METTL15: variants seen among roughly 807,000 people sequenced by gnomAD.
METTL15 encodes the protein methyltransferase 15, mitochondrial 12S rRNA N4-cytidine.
METTL15 carries 34 observed loss-of-function variants against 38.3 expected under a neutral mutation model. That is an observed-to-expected ratio of 0.89 (90% confidence interval 0.68 to 1.18). The LOEUF is 1.18. Among genes scored for constraint, METTL15 ranks in the 50% most tolerant of loss-of-function variants. The pLI is 0.00. For synonymous variants in METTL15, 162 were observed against 170.9 expected, an observed-to-expected ratio of 0.95 and a Z score of 0.41; for missense variants, 438 against 498.4, an observed-to-expected ratio of 0.88 and a Z score of 1.15.
intron 5 of METTL15, among the ~76,000 whole-genome samples, chr11:28,382,466 T>C (rs1850398919): frequency 6.6e-6 from 1 of 152,160 alleles, no homozygotes; most frequent in Admixed American, 6.5e-5. Context: ...TTTTTCCATG[T>C]AGAAACTGTG....
At chr11:28,265,503 G>A (rs1240574906) in intron 4 of METTL15, among the ~76,000 whole-genome samples, 4 of 150,970 alleles carry the variant, frequency 2.6e-5, no homozygotes, top group East Asian at 2.0e-4. Context: ...GTGCATGAAA[G>A]CCCCAAATAC....
intron 3 of METTL15, among the ~76,000 whole-genome samples, chr11:28,174,824 A>T (rs568463972): frequency 3.4e-5 from 5 of 145,558 alleles, no homozygotes; most frequent in East Asian, 2.0e-4. Flanking sequence ...CAAAAAAAAA[A>T]AAAAAACATA....
intron 6 of METTL15, among the ~76,000 whole-genome samples, chr11:28,315,280 GA>G (rs1857440144): frequency 6.6e-6 from 1 of 152,186 alleles, no homozygotes; most frequent in Non-Finnish European, 1.5e-5. Flanking sequence ...GTCTCAGTTG[GA>G]AATGAGGAAC....
At chr11:28,478,702 C>T (rs1851368210) in intron 6 of METTL15, among the ~76,000 whole-genome samples, 1 of 152,072 alleles carries the variant, frequency 6.6e-6, no homozygotes, top group South Asian at 2.1e-4. Context: ...TCCCCTTTCT[C>T]CAGAAACAAA....
chr11:28,407,296 G>C (rs1850682461), intron 5 of METTL15, among the ~76,000 whole-genome samples: 1 of 152,094 alleles, frequency 6.6e-6, no homozygotes, highest in Non-Finnish European at 1.5e-5. Flanking sequence ...TGCAACAAAA[G>C]CAAAAACTGA....
intron 6 of METTL15, among the ~76,000 whole-genome samples, chr11:28,471,260 T>C (rs547540540): frequency 3.3e-5 from 5 of 152,244 alleles, no homozygotes; most frequent in South Asian, 2.1e-4. Context: ...TCCTAAGACA[T>C]ACAGCATTCC....
intron 6 of METTL15, among the ~76,000 whole-genome samples, chr11:28,495,556 C>T (rs984387685): frequency 6.6e-6 from 1 of 152,110 alleles, no homozygotes; most frequent in Non-Finnish European, 1.5e-5. Flanking sequence ...TGTACTTCCT[C>T]TTGCCAAGTC....
chr11:28,497,556 A>C (rs1454166669), intron 6 of METTL15, among the ~76,000 whole-genome samples: 1 of 152,230 alleles, frequency 6.6e-6, no homozygotes, highest in African/African-American at 2.4e-5. Flanking sequence ...GCTATAACAG[A>C]ATACCACAGA....
chr11:28,203,187 T>G (rs1449457463), intron 3 of METTL15, among the ~76,000 whole-genome samples: 1 of 152,088 alleles, frequency 6.6e-6, no homozygotes, highest in East Asian at 1.9e-4. Context: ...GGGTCCTGAT[T>G]GCTCTAACCA....
At chr11:28,220,854 G>A (rs1853175709) in intron 4 of METTL15, among the ~76,000 whole-genome samples, 2 of 152,300 alleles carry the variant, frequency 1.3e-5, no homozygotes, top group African/African-American at 4.8e-5. Flanking sequence ...ATTCTGGATT[G>A]AAAATTGTTT....
At chr11:28,140,461 A>G (rs1849660432) in intron 3 of METTL15, among the ~76,000 whole-genome samples, 1 of 152,162 alleles carries the variant, frequency 6.6e-6, no homozygotes, top group Non-Finnish European at 1.5e-5. Flanking sequence ...TTGGTGCTGC[A>G]TCTGCCTTCA....
rs138088769 is a variant in METTL15, at chr11:28,516,238, G to A, written c.*425-10240G>A. On this transcript the variant is annotated intron_variant and NMD_transcript_variant, in intron 6 of 7. Coordinates refer to the METTL15 transcript ENST00000532947. ...GGAATCTGGTTCTTGGTACAGTGCT[G>A]CCCTAGATATTAGCTATTGGCTATT... Among the ~76,000 whole-genome samples, 101 of 152,322 alleles carry A rather than the reference G, an allele frequency of 6.6e-4. 1 individual carries two copies. In the East Asian group the frequency reaches 0.018, roughly 28 times the overall value.
At chr11:28,366,684 T>C (rs1850189418) in intron 5 of METTL15, among the ~76,000 whole-genome samples, 1 of 152,160 alleles carries the variant, frequency 6.6e-6, no homozygotes, top group Non-Finnish European at 1.5e-5. Context: ...GAAAATTCTG[T>C]ATCATTTGAG....
chr11:28,251,559 G>T (rs1245824591), intron 4 of METTL15, among the ~76,000 whole-genome samples: 1 of 151,890 alleles, frequency 6.6e-6, no homozygotes, highest in Non-Finnish European at 1.5e-5. Flanking sequence ...AACTCACAAA[G>T]CCCCATTTGT....
At chr11:28,336,189 C>G (rs561989779), downstream of METTL15, among the ~76,000 whole-genome samples, 3 of 152,120 alleles carry the variant, frequency 2.0e-5, no homozygotes, top group Non-Finnish European at 4.4e-5. Flanking sequence ...GTATTTGCTA[C>G]ACCTTGACAG....
At chr11:28,210,070 A>C (rs892111779) in intron 3 of METTL15, among the ~76,000 whole-genome samples, 1 of 152,016 alleles carries the variant, frequency 6.6e-6, no homozygotes, top group South Asian at 2.1e-4. Flanking sequence ...TAACTTGTAC[A>C]CACATATGTT....
chr11:28,116,754 C>A (rs1453729638), intron 3 of METTL15, among the ~76,000 whole-genome samples: 1 of 152,108 alleles, frequency 6.6e-6, no homozygotes, highest in Non-Finnish European at 1.5e-5. Flanking sequence ...ATCCAGCATT[C>A]TTTAAAAAAT....
intron 6 of METTL15, among the ~76,000 whole-genome samples, chr11:28,491,557 T>C (rs978058392): frequency 3.9e-5 from 6 of 152,086 alleles, no homozygotes; most frequent in Non-Finnish European, 7.4e-5. Flanking sequence ...GCACCAGCAG[T>C]TGCAAAAATA....
intron 4 of METTL15, among the ~76,000 whole-genome samples, chr11:28,216,637 G>T (rs1309546389): frequency 1.3e-5 from 2 of 151,726 alleles, no homozygotes; most frequent in Non-Finnish European, 2.9e-5. Context: ...ATGTATACAT[G>T]TGCCATGTTG....
Sources: gnomAD v4.1 joint callset for allele counts (sites outside exome capture counted in the v4.1 genomes callset) on GRCh38, gnomAD v4.1.1 for gene constraint, MANE v1.5 for transcripts, NCBI Gene and HGNC (gene_info 2026-07-23, HGNC 2026-07-21) for gene names.